The following NOSTRIN variants were observed in gnomAD, a reference collection of about 807,000 sequenced individuals.
NOSTRIN encodes nitric oxide synthase trafficking, also known as BM247 homolog.
A neutral mutation model predicts 59.0 loss-of-function variants in NOSTRIN; 63 were observed. The observed-to-expected ratio is 1.07, with a 90% CI of 0.87 to 1.32. The LOEUF (loss-of-function observed/expected upper bound fraction) is 1.32. Among genes scored for constraint, NOSTRIN ranks in the 40% most tolerant of loss-of-function variants. The pLI is 0.00. For missense variants in NOSTRIN, 512 were observed against 473.1 expected, an observed-to-expected ratio of 1.08 and a Z score of -0.76; for synonymous variants, 200 against 165.4, an observed-to-expected ratio of 1.21 and a Z score of -1.61.
intron 15 of NOSTRIN, among the ~76,000 whole-genome samples, chr2:168,863,920 T>TC (rs1440850171): frequency 6.6e-6 from 1 of 152,078 alleles, no homozygotes; most frequent in East Asian, 1.9e-4. Flanking sequence ...TTTTTTTATT[T>TC]TTTTTTTTGA....
chr2:168,795,772 GTAAT>G (rs954532218), upstream of NOSTRIN, among the ~76,000 whole-genome samples: 4 of 152,176 alleles, frequency 2.6e-5, no homozygotes, highest in Non-Finnish European at 5.9e-5. Context: ...CAACCACAAA[GTAAT>G]TAGTACAAAC....
At chr2:168,821,841 G>A (rs1686759660) in intron 2 of NOSTRIN, among the ~76,000 whole-genome samples, 1 of 152,262 alleles carries the variant, frequency 6.6e-6, no homozygotes, top group African/African-American at 2.4e-5. Flanking sequence ...TGCCTGGCAG[G>A]AAGGGAAATC....
At chr2:168,839,900 AATAT>A in intron 7 of NOSTRIN, among the ~76,000 whole-genome samples, 1 of 123,204 alleles carries the variant, frequency 8.1e-6, no homozygotes, top group African/African-American at 3.1e-5. Flanking sequence ...AAAAAAAAAA[AATAT>A]ATATATATAT....
At chr2:168,834,361 A>G (rs780631677) in intron 7 of NOSTRIN, 36 bp downstream of exon 7, 1 of 864,384 alleles carries the variant, frequency 1.2e-6, no homozygotes, top group East Asian at 2.4e-5. Context: ...CATGTGCCAT[A>G]GAGAGGGATG....
chr2:168,864,931 G>C lies in NOSTRIN; in HGVS notation c.1482G>C (p.Glu494Asp). ...KGHFPAAYVE[E>D]LPSNAGNTAT... ...ATTTTCCTGCCGCTTATGTGGAGGA[G>C]TTACCTTCAAATGCTGGCAACACAG... is the stretch of plus-strand genomic sequence containing the variant. Residue 494 changes from glutamate to aspartate, a missense_variant, in exon 16 of 16, where the codon GAG becomes GAC. By Grantham distance (45) the Glu-to-Asp change is conservative (BLOSUM62 2). Transcript: ENST00000317647. 6.2e-7 allele frequency: 1 copy of C among 1,614,098 alleles called. No homozygotes were observed. Among genetic ancestry groups the C allele is most frequent in the Non-Finnish European group, 8.5e-7 (1 of 1,180,004 alleles).
intron 5 of NOSTRIN, among the ~76,000 whole-genome samples, chr2:168,829,332 C>CT (rs1205796955): frequency 1.6e-5 from 2 of 122,248 alleles, no homozygotes; most frequent in Non-Finnish European, 3.4e-5. Context: ...CCCTTTCTTT[C>CT]TTTTTTTGAC....
chr2:168,850,709 T>C, intron 8 of NOSTRIN: 1 of 641,810 alleles, frequency 1.6e-6, no homozygotes, highest in Non-Finnish European at 2.7e-6. Context: ...GGTCAGGAGT[T>C]CAAGGCCAGC....
chr2:168,863,594 TGTTGTATTAAAG>T (rs1689623897), intron 15 of NOSTRIN: 1 of 985,204 alleles, frequency 1.0e-6, no homozygotes, highest in Non-Finnish European at 1.2e-6. Context: ...TCCAAATTGA[TGTTGTATTAAAG>T]TTGTCTAAGT....
intron 8 of NOSTRIN, among the ~76,000 whole-genome samples, chr2:168,850,056 G>A (rs898577053): frequency 1.3e-5 from 2 of 151,764 alleles, no homozygotes; most frequent in African/African-American, 4.8e-5. Flanking sequence ...GGGATTACAG[G>A]CGTGTGCCAC....
intron 8 of NOSTRIN, among the ~76,000 whole-genome samples, chr2:168,845,298 G>C (rs1375658509): frequency 6.6e-6 from 1 of 152,124 alleles, no homozygotes; most frequent in Non-Finnish European, 1.5e-5. Flanking sequence ...TTCCACTGAG[G>C]TCAGCTTCCT....
intron 15 of NOSTRIN, 117 bp downstream of exon 15, chr2:168,862,166 C>T: frequency 1.2e-6 from 1 of 838,398 alleles, no homozygotes. Context: ...ATCAGTTCAC[C>T]CTTCTTGAAA....
Position 168,851,389 on chromosome 2 carries a change from G to T in NOSTRIN, c.840G>T (p.Leu280=). ...ILSTENKSEF[L]LTDYFEEDPN... ...CTACAGAAAACAAATCTGAGTTCCTGTTAACGGATTACTTTGTGAGTATGA... is the reference window on the plus strand; with the variant it reads ...CTACAGAAAACAAATCTGAGTTCCTTTTAACGGATTACTTTGTGAGTATGA... The change falls in exon 10 of 16, where the codon CTG becomes CTT. Residue 280 remains leucine (L), a synonymous_variant. Coordinates refer to ENST00000317647, the MANE Select transcript of NOSTRIN (RefSeq NM_001039724.4). The T allele has an allele frequency of 6.2e-7, 1 of 1,611,332 alleles. No homozygotes were observed. The highest frequency in any genetic ancestry group is 1.1e-5 in the South Asian group (1 of 90,062).
chr2:168,861,843 T>C, intron 14 of NOSTRIN, 117 bp from the exon 15 acceptor site: 1 of 907,770 alleles, frequency 1.1e-6, no homozygotes. Flanking sequence ...ACTTTCCTTT[T>C]GAGAAAAATT....
chr2:168,856,630 C>A, intron 11 of NOSTRIN, 60 bp from the exon 12 acceptor site: 1 of 1,491,510 alleles, frequency 6.7e-7, no homozygotes, highest in Non-Finnish European at 9.4e-7. Context: ...GCGACCGACT[C>A]CTGGCTGTGT....
At chr2:168,790,388 A>G (rs1378732921) in intron 2 of NOSTRIN, among the ~76,000 whole-genome samples, 1 of 152,240 alleles carries the variant, frequency 6.6e-6, no homozygotes, top group African/African-American at 2.4e-5. Context: ...AGGTTAAAGT[A>G]GTGACTCTAC....
At chr2:168,838,388 C>T (rs531683279) in intron 7 of NOSTRIN, among the ~76,000 whole-genome samples, 6 of 152,276 alleles carry the variant, frequency 3.9e-5, no homozygotes, top group South Asian at 4.1e-4. Context: ...TACAGGCGTG[C>T]GCCATCACAT....
At chr2:168,791,488 A>G (rs1325308137) in intron 2 of NOSTRIN, among the ~76,000 whole-genome samples, 3 of 152,198 alleles carry the variant, frequency 2.0e-5, no homozygotes, top group South Asian at 2.1e-4. Context: ...ATGATTTATA[A>G]TCCTTTGGGT....
chr2:168,816,543 TTGCC>T (rs961498039), intron 2 of NOSTRIN, among the ~76,000 whole-genome samples: 1 of 152,180 alleles, frequency 6.6e-6, no homozygotes, highest in Admixed American at 6.5e-5. Context: ...ACAGGCTGTA[TTGCC>T]TGCCTGGTAG....
intron 1 of NOSTRIN, among the ~76,000 whole-genome samples, chr2:168,804,313 C>T (rs1211037218): frequency 6.6e-6 from 1 of 152,162 alleles, no homozygotes; most frequent in Non-Finnish European, 1.5e-5. Flanking sequence ...TTGTCTAAAA[C>T]TTTGAAGGTC....
Sources: gnomAD v4.1 joint callset for allele counts (sites outside exome capture counted in the v4.1 genomes callset) on GRCh38, gnomAD v4.1.1 for gene constraint, MANE v1.5 for transcripts, NCBI Gene and HGNC (gene_info 2026-07-23, HGNC 2026-07-21) for gene names.